The following IQCM variants were observed in gnomAD, a reference collection of about 807,000 sequenced individuals.
The protein encoded by IQCM is IQ domain-containing protein M.
A neutral mutation model predicts 57.6 loss-of-function variants in IQCM; 45 were observed. That is an observed-to-expected ratio of 0.78 (90% CI 0.62 to 1.00). The LOEUF (loss-of-function observed/expected upper bound fraction) is 1.00, where lower values mean the gene tolerates loss of function less well. Ranked by LOEUF, IQCM falls within the 50% of genes least tolerant of loss-of-function variation. The pLI, the probability that IQCM is intolerant of heterozygous loss-of-function variation, is 0.00. For synonymous variants in IQCM, 148 were observed against 158.9 expected, an observed-to-expected ratio of 0.93 and a Z score of 0.51; for missense variants, 468 against 511.6, an observed-to-expected ratio of 0.91 and a Z score of 0.82.
intron 12 of IQCM, among the ~76,000 whole-genome samples, chr4:149,505,978 A>G (rs1389323340): frequency 6.6e-6 from 1 of 152,228 alleles, no homozygotes; most frequent in African/African-American, 2.4e-5. Flanking sequence ...CATTTTTACA[A>G]GGCTTTCTAA....
chr4:149,716,848 G>A (rs1349130348), intron 5 of IQCM, among the ~76,000 whole-genome samples: 1 of 152,160 alleles, frequency 6.6e-6, no homozygotes. Flanking sequence ...TCTTTGGAAA[G>A]GAGAGAAGGG....
intron 8 of IQCM, among the ~76,000 whole-genome samples, chr4:149,601,275 T>A (rs1168938679): frequency 1.3e-5 from 2 of 152,014 alleles, no homozygotes; most frequent in Non-Finnish European, 2.9e-5. Context: ...GGACAACACA[T>A]AGAGTAGACA....
chr4:149,470,342 A>C (rs1296836682), intron 12 of IQCM, among the ~76,000 whole-genome samples: 1 of 152,158 alleles, frequency 6.6e-6, no homozygotes, highest in Non-Finnish European at 1.5e-5. Flanking sequence ...GATAAAAAAG[A>C]CTTTAAACCA....
intron 7 of IQCM, among the ~76,000 whole-genome samples, chr4:149,649,744 T>A (rs1056236348): frequency 6.6e-6 from 1 of 152,142 alleles, no homozygotes; most frequent in Non-Finnish European, 1.5e-5. Context: ...TTTAAAGACT[T>A]ACTAAGTATT....
chr4:149,520,014 A>G (rs1745453039), intron 12 of IQCM, among the ~76,000 whole-genome samples: 1 of 152,152 alleles, frequency 6.6e-6, no homozygotes, highest in East Asian at 1.9e-4. Flanking sequence ...CAAAGAAAAC[A>G]AAAACAAAAA....
chr4:149,661,361 G>T (rs2150155003), intron 7 of IQCM, among the ~76,000 whole-genome samples: 1 of 152,208 alleles, frequency 6.6e-6, no homozygotes, highest in East Asian at 1.9e-4. Context: ...TAGTTTGCTA[G>T]TATATTGTTG....
At chr4:149,358,309 G>T (rs1421744846) in intron 13 of IQCM, among the ~76,000 whole-genome samples, 1 of 152,030 alleles carries the variant, frequency 6.6e-6, no homozygotes, top group Admixed American at 6.6e-5. Context: ...GTTTGCTCTT[G>T]CTTCTCTAGT....
chr4:149,548,689 A>C, intron 11 of IQCM, 100 bp from the exon 12 acceptor site: 2 of 526,840 alleles, frequency 3.8e-6, no homozygotes, highest in Non-Finnish European at 2.9e-6. Context: ...GTAAGTCTCC[A>C]TGATTAGTCT....
chr4:149,506,751 C>G (rs1051225583), intron 12 of IQCM, among the ~76,000 whole-genome samples: 2 of 152,174 alleles, frequency 1.3e-5, no homozygotes, highest in Admixed American at 6.5e-5. Context: ...TTATGACAGA[C>G]AGCATAGAGG....
intron 13 of IQCM, among the ~76,000 whole-genome samples, chr4:149,382,799 T>C (rs1192198939): frequency 6.6e-6 from 1 of 152,070 alleles, no homozygotes; most frequent in Non-Finnish European, 1.5e-5. Context: ...AGTGATATTG[T>C]TCACATTAAA....
chr4:149,788,189 C>T (rs1772246805), intron 2 of IQCM, among the ~76,000 whole-genome samples: 1 of 152,110 alleles, frequency 6.6e-6, no homozygotes, highest in African/African-American at 2.4e-5. Context: ...CAAAAATTAG[C>T]TGGGCATGGT....
chr4:149,368,976 G>GTATATATATATA (rs1229828163), intron 13 of IQCM, among the ~76,000 whole-genome samples: 20 of 33,420 alleles, frequency 6.0e-4, no homozygotes, highest in Admixed American at 1.3e-3. Flanking sequence ...ATATATATGT[G>GTATATATATATA]TATATATATA....
intron 9 of IQCM, among the ~76,000 whole-genome samples, chr4:149,580,233 A>C (rs1579566851): frequency 6.6e-6 from 1 of 151,960 alleles, no homozygotes; most frequent in Non-Finnish European, 1.5e-5. Flanking sequence ...AATTTTCCAT[A>C]GAAATCTGCC....
At chr4:149,385,169 G>T (rs186218037) in intron 13 of IQCM, among the ~76,000 whole-genome samples, 3 of 152,120 alleles carry the variant, frequency 2.0e-5, no homozygotes, top group Admixed American at 2.0e-4. Flanking sequence ...AAATGTTAAT[G>T]GTTTTAATCT....
chr4:149,401,546 T>C (rs1302262033), intron 13 of IQCM, among the ~76,000 whole-genome samples: 1 of 151,782 alleles, frequency 6.6e-6, no homozygotes. Flanking sequence ...ATTTATGTGA[T>C]AAATAAGTTG....
chr4:149,708,958 G>A (rs1224591378), intron 5 of IQCM, among the ~76,000 whole-genome samples: 1 of 152,080 alleles, frequency 6.6e-6, no homozygotes, highest in Non-Finnish European at 1.5e-5. Flanking sequence ...CTGTAAAGCT[G>A]ACCAGTTTTT....
At position 149,733,292 on chromosome 4, in the gene IQCM, T is replaced by C. The variant is rs1580154000; in HGVS notation, c.337A>G (p.Ile113Val). The C allele has an allele frequency of 1.6e-6, 2 of 1,231,764 alleles. No homozygotes were observed. The highest frequency in any genetic ancestry group is 2.0e-6 in the Non-Finnish European group (2 of 987,728). The allele number at this position is 1,231,764 out of a possible 1,614,324, so 76.3% of individuals were successfully genotyped here. ...CTGCATCTTTCTCTTCTACTAAAAA[T>C]GTGTGGTTCCTTGAAGGAGATTCGT... The part of the protein sequence containing the change: ...PQRISFKEPH[I>V]FSRRERCRPI... The change falls in exon 5 of 14, where the codon ATT becomes GTT. Residue 113 changes from isoleucine (I) to valine (V), a missense_variant. Coordinates refer to ENST00000636793, the MANE Select transcript of IQCM (RefSeq NM_001363507.2).
intron 2 of IQCM, among the ~76,000 whole-genome samples, chr4:149,746,231 A>T (rs1309218691): frequency 6.6e-6 from 1 of 151,924 alleles, no homozygotes; most frequent in Non-Finnish European, 1.5e-5. Context: ...ACCCTTCCCC[A>T]TTTCTCTGTC....
chr4:149,723,786 G>C (rs1765655500), intron 5 of IQCM, among the ~76,000 whole-genome samples: 1 of 151,964 alleles, frequency 6.6e-6, no homozygotes. Flanking sequence ...TTGGTACCAG[G>C]GTGATACTGG....
Sources: gnomAD v4.1 joint callset for allele counts (sites outside exome capture counted in the v4.1 genomes callset) on GRCh38, gnomAD v4.1.1 for gene constraint, MANE v1.5 for transcripts, NCBI Gene and HGNC (gene_info 2026-07-23, HGNC 2026-07-21) for gene names.